Variants in KCNC2 observed in about 807,000 individuals in gnomAD.
KCNC2 encodes the protein potassium voltage-gated channel subfamily C member 2.
In KCNC2, 21 loss-of-function variants were observed where a neutral mutation model predicts 44.5. That is an observed-to-expected ratio of 0.47 (90% CI 0.33 to 0.68). The LOEUF (loss-of-function observed/expected upper bound fraction) is 0.68. Among genes scored for constraint, KCNC2 ranks in the 30% least tolerant of loss-of-function variants. The pLI, the probability that KCNC2 is intolerant of heterozygous loss-of-function variation, is 0.01. For synonymous variants in KCNC2, 391 were observed against 339.1 expected (o/e 1.15, Z -1.68); for missense variants, 589 against 826.2 (o/e 0.71, Z 3.52).
chr12:75,160,859 A>T (rs557545612), intron 2 of KCNC2, among the ~76,000 whole-genome samples: 1 of 151,932 alleles, frequency 6.6e-6, no homozygotes, highest in South Asian at 2.1e-4. Flanking sequence ...ATGACCAAAA[A>T]AAGTTTTAAA....
chr12:75,091,465 A>G (rs1396531826), intron 2 of KCNC2, among the ~76,000 whole-genome samples: 1 of 151,668 alleles, frequency 6.6e-6, no homozygotes, highest in East Asian at 1.9e-4. Context: ...CTTCGTACAT[A>G]GTTCTGTTTT....
rs183983744 is a variant in KCNC2 at position 75,116,059 on chromosome 12, A to T, written c.688-64742T>A. Among the ~76,000 whole-genome samples, 14 of 152,314 alleles carry T rather than the reference A, an allele frequency of 9.2e-5. No homozygotes were observed. The East Asian group carries it at 2.5e-3, about 27-fold the overall frequency. On this transcript the variant is annotated intron_variant, in intron 2 of 4. Coordinates refer to ENST00000549446, the MANE Select transcript of KCNC2 (RefSeq NM_139137.4). ...AAGGAACCTTGTGCTTTATATTTTT[A>T]AAGTGATAGGTTTTCAGCATAAACC...
chr12:75,182,290 C>T (rs557518209), intron 2 of KCNC2, among the ~76,000 whole-genome samples: 14 of 151,274 alleles, frequency 9.3e-5, no homozygotes, highest in Non-Finnish European at 1.5e-4. Context: ...TTTGGGAGGC[C>T]GAGGGGGGCA....
intron 2 of KCNC2, among the ~76,000 whole-genome samples, chr12:75,069,156 C>A (rs1224520401): frequency 2.7e-4 from 1 of 3,704 alleles, no homozygotes; most frequent in African/African-American, 7.2e-4. Context: ...TTTTTTGAGA[C>A]GGAATTTCAC....
chr12:75,053,322 TAC>T (rs1025406053), intron 2 of KCNC2, among the ~76,000 whole-genome samples: 54 of 152,238 alleles, frequency 3.5e-4, no homozygotes, highest in African/African-American at 1.3e-3. Context: ...TTCAGGCATT[TAC>T]AGACTCAGAA....
At chr12:75,085,767 C>G (rs1319811574) in intron 2 of KCNC2, among the ~76,000 whole-genome samples, 1 of 151,950 alleles carries the variant, frequency 6.6e-6, no homozygotes, top group African/African-American at 2.4e-5. Flanking sequence ...CTTCCAGAGA[C>G]ACACACCATT....
intron 2 of KCNC2, among the ~76,000 whole-genome samples, chr12:75,113,769 C>A (rs1592900152): frequency 6.6e-6 from 1 of 152,114 alleles, no homozygotes; most frequent in East Asian, 1.9e-4. Context: ...TATTTTGTAT[C>A]TTGATTCTGA....
chr12:75,113,058 C>T (rs186639074), intron 2 of KCNC2, among the ~76,000 whole-genome samples: 1 of 152,166 alleles, frequency 6.6e-6, no homozygotes, highest in Non-Finnish European at 1.5e-5. Context: ...CAATGTAACT[C>T]AAAGGATAAG....
intron 2 of KCNC2, among the ~76,000 whole-genome samples, chr12:75,057,514 T>C (rs1350917227): frequency 6.6e-6 from 1 of 151,980 alleles, no homozygotes; most frequent in Non-Finnish European, 1.5e-5. Context: ...CCACAAACAT[T>C]ACCACATTTA....
intron 2 of KCNC2, among the ~76,000 whole-genome samples, chr12:75,188,413 T>A (rs554530251): frequency 1.3e-5 from 2 of 152,344 alleles, no homozygotes; most frequent in South Asian, 4.1e-4. Flanking sequence ...AAGATCCTTA[T>A]TTAACATTGG....
intron 2 of KCNC2, among the ~76,000 whole-genome samples, chr12:75,146,088 G>A (rs909431734): frequency 2.3e-4 from 35 of 151,826 alleles, no homozygotes; most frequent in African/African-American, 8.5e-4. Context: ...CCTAGTAGCT[G>A]GGACTACAGG....
intron 2 of KCNC2, among the ~76,000 whole-genome samples, chr12:75,143,137 A>G (rs758155598): frequency 9.2e-5 from 14 of 152,136 alleles, no homozygotes. Flanking sequence ...AAGTTAGGAA[A>G]TTCGAGATCT....
intron 2 of KCNC2, among the ~76,000 whole-genome samples, chr12:75,178,923 A>G (rs928063567): frequency 6.6e-6 from 1 of 152,012 alleles, no homozygotes; most frequent in Non-Finnish European, 1.5e-5. Context: ...CTAATAAATC[A>G]GGTAATAACT....
At position 75,064,912 on chromosome 12, in the gene KCNC2, C is replaced by CTAA. The variant is rs892003729; in HGVS notation, c.688-13596_688-13595insTTA. On this transcript the variant is annotated intron_variant, in intron 2 of 4. Coordinates refer to ENST00000549446, the MANE Select transcript of KCNC2 (RefSeq NM_139137.4). ...ATCGTTTAGTATGCTTTATTTGAAACTTTAGAGTGTACATATACATTCTAC... is the reference window on the plus strand; with the variant it reads ...ATCGTTTAGTATGCTTTATTTGAAACTAATTTAGAGTGTACATATACATTCTAC... Among the ~76,000 whole-genome samples the CTAA allele has an allele frequency of 1.1e-3, 165 of 152,054 alleles. 1 individual carries two copies. Among genetic ancestry groups the CTAA allele is most frequent in the African/African-American group, 3.2e-3 (134 of 41,554 alleles).
intron 2 of KCNC2, among the ~76,000 whole-genome samples, chr12:75,116,425 A>G (rs570980477): frequency 2.4e-4 from 37 of 152,190 alleles, no homozygotes; most frequent in Non-Finnish European, 4.6e-4. Flanking sequence ...GAAGACTATA[A>G]AAGCAGCTAC....
At chr12:75,073,525 A>T (rs1883621278) in intron 2 of KCNC2, among the ~76,000 whole-genome samples, 2 of 152,178 alleles carry the variant, frequency 1.3e-5, no homozygotes, top group Non-Finnish European at 2.9e-5. Context: ...ATACAGTTGC[A>T]ATATTATACT....
chr12:75,122,844 C>T (rs1206592389), intron 2 of KCNC2, among the ~76,000 whole-genome samples: 3 of 151,980 alleles, frequency 2.0e-5, no homozygotes, highest in Admixed American at 6.6e-5. Flanking sequence ...ACCAAAACAA[C>T]ATATTCTTTG....
intron 2 of KCNC2, among the ~76,000 whole-genome samples, chr12:75,082,108 G>A (rs1436035386): frequency 1.3e-5 from 2 of 151,644 alleles, no homozygotes; most frequent in Non-Finnish European, 2.9e-5. Context: ...TCACAGGGAT[G>A]TTGTGAATAT....
intron 2 of KCNC2, among the ~76,000 whole-genome samples, chr12:75,129,600 T>C (rs1404840131): frequency 6.6e-6 from 1 of 152,150 alleles, no homozygotes; most frequent in East Asian, 1.9e-4. Context: ...AAGTATTTCA[T>C]ATACACAAGT....
Sources: allele counts gnomAD v4.1 joint callset (sites outside exome capture counted in the v4.1 genomes callset), GRCh38; gene constraint gnomAD v4.1.1; transcripts MANE v1.5; gene names NCBI Gene and HGNC (gene_info 2026-07-23, HGNC 2026-07-21).